The following PEAR1 variants were observed in gnomAD, a reference collection of about 807,000 sequenced individuals.
PEAR1 encodes platelet endothelial aggregation receptor 1, also known as multiple EGF-like domains protein 12.
In PEAR1, 113 loss-of-function variants were observed where a neutral mutation model predicts 131.2. The observed-to-expected ratio is 0.86, with a 90% confidence interval of 0.74 to 1.01. PEAR1 has a LOEUF of 1.01. Ranked by LOEUF, PEAR1 falls within the 50% of genes least tolerant of loss-of-function variation. The pLI, the probability that PEAR1 is intolerant of heterozygous loss-of-function variation, is 0.00. For missense variants in PEAR1, 1,408 were observed against 1,391.1 expected (o/e 1.01, Z -0.19); for synonymous variants, 565 against 523.3 (o/e 1.08, Z -1.09).
intron 1 of PEAR1, among the ~76,000 whole-genome samples, chr1:156,897,555 AG>A (rs1649281042): frequency 6.6e-6 from 1 of 152,212 alleles, no homozygotes; most frequent in Non-Finnish European, 1.5e-5. Context: ...TGGAGCCTCC[AG>A]GGACAGGTGC....
Position 156,903,980 on chromosome 1 carries a change from T to C in PEAR1, c.54T>C (p.Ala18=). The change falls in exon 2 of 23, where the codon GCT becomes GCC. Residue 18 remains alanine, a synonymous_variant. Transcript: ENST00000292357. The part of the protein sequence containing the change: ...LLLLAVGLRL[A]GTLNPSDPNT... ...TCCTGGCTGTGGGCCTGCGGCTGGC[T>C]GGAACTCTCAACCCCAGTGATCCCA... is the stretch of plus-strand genomic sequence containing the variant. 1.9e-6 allele frequency: 3 copies of C among 1,614,068 alleles called. No individual in the cohort carries two copies. Among genetic ancestry groups the C allele is most frequent in the Non-Finnish European group, 2.5e-6 (3 of 1,179,988 alleles).
chr1:156,906,937 T>C (rs735953), intron 6 of PEAR1, 57 bp downstream of exon 6: 219,669 of 1,555,974 alleles, frequency 0.14, 19,841 homozygotes, highest in East Asian at 0.44. Context: ...GCCACACAGA[T>C]CTATGTGGGG....
At position 156,908,685 on chromosome 1, in the gene PEAR1, C is replaced by A; in HGVS notation, c.1146C>A (p.Cys382Ter). The change falls in exon 10 of 23, where the codon TGC (cysteine) becomes TGA (stop). Residue 382 changes from cysteine (C) to a stop codon, truncating the protein, a stop_gained. Coordinates refer to ENST00000292357, the MANE Select transcript of PEAR1 (RefSeq NM_001080471.3). LOFTEE classifies it high-confidence loss of function. This position sits in a 1 kb window ranked among gnomAD's most constrained non-coding sequence, Gnocchi z 4.2. ...ACCCGATGAACGGGGAGTGCTCCTGCCTGCCGGGCTGGGCGGGCCTCCACT... is the reference window on the plus strand; with the variant it reads ...ACCCGATGAACGGGGAGTGCTCCTGACTGCCGGGCTGGGCGGGCCTCCACT... Reference protein sequence around the residue: ...SCHPMNGECSCLPGWAGLHCN... With the variant: ...SCHPMNGECS 1 of 1,535,102 alleles carries A rather than the reference C, an allele frequency of 6.5e-7. No homozygotes were observed. The highest frequency in any genetic ancestry group is 1.2e-5 in the South Asian group (1 of 84,040).
intron 4 of PEAR1, 104 bp downstream of exon 4, chr1:156,905,528 C>T (rs1558130893): frequency 9.4e-7 from 1 of 1,058,660 alleles, no homozygotes; most frequent in East Asian, 2.7e-5. Flanking sequence ...TGGGGTTACT[C>T]CTCTGCCCTT....
chr1:156,908,093 G>T lies in PEAR1; in HGVS notation c.903-35G>T. ...GGGCGGGAGACGGGAGGGAGGAGGT[G>T]GGGCGCCGCCAGGCTCACTCAGCTA... On this transcript the variant is annotated intron_variant, in intron 8 of 22. Transcript: ENST00000292357. This position sits in a 1 kb window ranked among gnomAD's most constrained non-coding sequence, Gnocchi z 4.2. The T allele has an allele frequency of 6.5e-7, 1 of 1,538,264 alleles. No individual in the cohort carries two copies. The highest frequency in any genetic ancestry group is 8.7e-7 in the Non-Finnish European group (1 of 1,147,012).
At chr1:156,906,204 T>TA in intron 4 of PEAR1, 72 bp from the exon 5 acceptor site, 1 of 1,411,722 alleles carries the variant, frequency 7.1e-7, no homozygotes, top group Non-Finnish European at 1.0e-6. Context: ...GAAGGTGGGG[T>TA]TAGGCTTTGC....
chr1:156,911,594 CT>C (rs201928104), intron 15 of PEAR1, among the ~76,000 whole-genome samples: 22 of 148,494 alleles, frequency 1.5e-4, no homozygotes, highest in Middle Eastern at 3.4e-3. Context: ...GCGCCCAGCC[CT>C]TTTTTTCTTT....
rs374380020 is a variant in PEAR1 at position 156,913,774 on chromosome 1, G to T, written c.2713+14G>T. ...TCTACAATAAAGGTATGGGCACAGG[G>T]GCAACAAGGGAGGTGGCTGAGCTGG... On this transcript the variant is annotated intron_variant, in intron 21 of 22. Transcript: ENST00000292357. 6.2e-7 allele frequency: 1 copy of T among 1,613,326 alleles called. No individual in the cohort carries two copies. The highest frequency in any genetic ancestry group is 2.2e-5 in the East Asian group (1 of 44,860).
chr1:156,907,526 G>A, intron 6 of PEAR1, 84 bp from the exon 7 acceptor site: 1 of 1,536,448 alleles, frequency 6.5e-7, no homozygotes, highest in South Asian at 1.3e-5. Context: ...CCTGAGGTGG[G>A]GGTTGTGGGG....
At chr1:156,907,020 C>T (rs1043728303) in intron 6 of PEAR1, 140 bp downstream of exon 6, 1 of 1,286,186 alleles carries the variant, frequency 7.8e-7, no homozygotes, top group Non-Finnish European at 1.0e-6. Context: ...CCAGTGGATC[C>T]TATTCCTCAC....
In PEAR1 at chr1:156,906,856, GC is replaced by G; in HGVS notation, c.624del (p.Ala209GlnfsTer168). The G allele has an allele frequency of 6.2e-7, 1 of 1,614,092 alleles. No individual in the cohort carries two copies. The highest frequency in any genetic ancestry group is 1.3e-5 in the African/African-American group (1 of 75,062). On this transcript the variant is annotated frameshift_variant, in exon 6 of 23. Transcript: ENST00000292357. LOFTEE classifies it high-confidence loss of function. ...PCDPQTGACF[C>X]PAERTGPSCD... ...GATCCCCAGACTGGAGCCTGCTTCTGCCCCGCAGAGAGAACTGGGCCCAGGT... is the reference window on the plus strand; with the variant it reads ...GATCCCCAGACTGGAGCCTGCTTCTGCCCGCAGAGAGAACTGGGCCCAGGT...
intron 1 of PEAR1, among the ~76,000 whole-genome samples, chr1:156,899,236 T>G (rs188775875): frequency 1.8e-4 from 28 of 151,964 alleles, no homozygotes; most frequent in African/African-American, 5.6e-4. Flanking sequence ...GAGATAGGAC[T>G]AGAAGCTTTG....
At position 156,904,756 on chromosome 1, in the gene PEAR1, C is replaced by G; in HGVS notation, c.110C>G (p.Thr37Ser). The change falls in exon 3 of 23, where the codon ACC becomes AGC. Residue 37 changes from threonine to serine, a missense_variant. Thr to Ser is a moderately conservative substitution (Grantham distance 58, BLOSUM62 1). Coordinates refer to ENST00000292357, the MANE Select transcript of PEAR1 (RefSeq NM_001080471.3). ...TGTTCCCTGTCTTGCAGCTTCACTA[C>G]CACCACCAAGGAGTCCCACTCCCGC... ...NTCSFWESFT[T>S]TTKESHSRPF... The G allele has an allele frequency of 6.2e-7, 1 of 1,611,374 alleles. No individual in the cohort carries two copies. The highest frequency in any genetic ancestry group is 8.5e-7 in the Non-Finnish European group (1 of 1,178,992).
Position 156,912,322 on chromosome 1 carries a change from A to C in PEAR1, c.2027A>C (p.Gln676Pro). The change falls in exon 16 of 23, where the codon CAG becomes CCG. Residue 676 changes from glutamine (Q) to proline (P), a missense_variant. Transcript: ENST00000292357. Reference sequence around the variant, plus strand: ...CACCATGGTGGGACCTGCCATCCCCAGGATGGGAGCTGTATCTGCCCCCTA... The same window carrying C: ...CACCATGGTGGGACCTGCCATCCCCCGGATGGGAGCTGTATCTGCCCCCTA... ...QCHHGGTCHP[Q>P]DGSCICPLGW... 1 of 1,614,056 alleles carries C rather than the reference A, an allele frequency of 6.2e-7. No individual in the cohort carries two copies. Among genetic ancestry groups the C allele is most frequent in the Non-Finnish European group, 8.5e-7 (1 of 1,179,974 alleles).
intron 15 of PEAR1, among the ~76,000 whole-genome samples, chr1:156,911,049 C>CTTTCTTTCTTTT (rs1558143436): frequency 2.1e-3 from 230 of 109,092 alleles, no homozygotes; most frequent in African/African-American, 0.012. Flanking sequence ...TTCTTTCTTT[C>CTTTCTTTCTTTT]TTTCTTTCTT....
At position 156,912,295 on chromosome 1, in the gene PEAR1, G is replaced by A. The variant is rs752807363; in HGVS notation, c.2000G>A (p.Cys667Tyr). 1.2e-6 allele frequency: 2 copies of A among 1,613,894 alleles called. No individual in the cohort carries two copies. Among genetic ancestry groups the A allele is most frequent in the African/African-American group, 2.7e-5 (2 of 74,922 alleles). Reference protein sequence around the residue: ...WGENCAQTCQCHHGGTCHPQD... With the variant: ...WGENCAQTCQYHHGGTCHPQD... ...GAAAACTGTGCCCAGACCTGCCAATGTCACCATGGTGGGACCTGCCATCCC... is the reference window on the plus strand; with the variant it reads ...GAAAACTGTGCCCAGACCTGCCAATATCACCATGGTGGGACCTGCCATCCC... Residue 667 changes from cysteine (C) to tyrosine (Y), a missense_variant, in exon 16 of 23, where the codon TGT (cysteine) becomes TAT (tyrosine). Coordinates refer to ENST00000292357, the MANE Select transcript of PEAR1 (RefSeq NM_001080471.3).
intron 1 of PEAR1, among the ~76,000 whole-genome samples, chr1:156,896,345 C>T (rs116111186): frequency 0.014 from 2,114 of 152,206 alleles, 51 homozygotes; most frequent in African/African-American, 0.048. Context: ...GGGTTACCTC[C>T]CCACACTGCT....
At chr1:156,910,882 A>C in intron 15 of PEAR1, 139 bp downstream of exon 15, 1 of 1,254,888 alleles carries the variant, frequency 8.0e-7, no homozygotes, top group Non-Finnish European at 1.1e-6. Flanking sequence ...CACCACCTAC[A>C]TGCTGGGTAC....
intron 11 of PEAR1, 57 bp from the exon 12 acceptor site, chr1:156,909,694 T>C: frequency 6.5e-7 from 1 of 1,545,772 alleles, no homozygotes; most frequent in Non-Finnish European, 8.8e-7. Context: ...TCCCACTGTG[T>C]GCTTGCTCAG....
Sources: gnomAD v4.1 joint callset for allele counts (sites outside exome capture counted in the v4.1 genomes callset) on GRCh38, gnomAD v4.1.1 for gene constraint, Gnocchi (gnomAD v3.1) non-coding constraint, MANE v1.5 for transcripts, NCBI Gene and HGNC (gene_info 2026-07-23, HGNC 2026-07-21) for gene names.